GALNT13: variants seen among roughly 807,000 people sequenced by gnomAD.
GALNT13 encodes the protein polypeptide N-acetylgalactosaminyltransferase 13.
In GALNT13, 28 loss-of-function variants were observed where a neutral mutation model predicts 64.2. The observed-to-expected ratio is 0.44, with a 90% confidence interval of 0.32 to 0.60. GALNT13 has a LOEUF of 0.60. Among genes scored for constraint, GALNT13 ranks in the 20% least tolerant of loss-of-function variants. GALNT13 has a pLI of 0.05. For synonymous variants in GALNT13, 214 were observed against 224.6 expected (o/e 0.95, Z 0.42); for missense variants, 577 against 669.8 (o/e 0.86, Z 1.53).
chr2:153,831,511 G>A, the GALNT13 span, among the ~76,000 whole-genome samples: 1 of 152,100 alleles, frequency 6.6e-6, no homozygotes, highest in East Asian at 1.9e-4. Context: ...AGCAGCCACT[G>A]TATCCATTTT....
the GALNT13 span, among the ~76,000 whole-genome samples, chr2:153,442,483 C>A: frequency 6.6e-6 from 1 of 152,294 alleles, no homozygotes; most frequent in African/African-American, 2.4e-5. Flanking sequence ...AGAGGAGTCC[C>A]TCTTTTTCTA....
chr2:154,055,113 A>G (rs2105354805), intron 3 of GALNT13, among the ~76,000 whole-genome samples: 1 of 152,122 alleles, frequency 6.6e-6, no homozygotes, highest in African/African-American at 2.4e-5. Flanking sequence ...ATTTATTCAT[A>G]TTATTTCCCT....
chr2:154,242,816 A>T lies in GALNT13; in HGVS notation c.597A>T (p.Ser199=). ...CCCGTCTTCGAGGAGCAGCTGCTTC[A>T]AAAGGGCAGGTCATAACTTTTCTTG... ...IRARLRGAAA[S]KGQVITFLDA... The change falls in exon 6 of 13, where the codon TCA becomes TCT. Residue 199 remains serine, a synonymous_variant. Coordinates refer to ENST00000392825, the MANE Select transcript of GALNT13 (RefSeq NM_052917.4). The T allele has an allele frequency of 1.2e-6, 2 of 1,614,198 alleles. No individual in the cohort carries two copies. Among genetic ancestry groups the T allele is most frequent in the Non-Finnish European group, 1.7e-6 (2 of 1,180,016 alleles).
the GALNT13 span, among the ~76,000 whole-genome samples, chr2:153,208,682 A>C: frequency 1.3e-5 from 2 of 152,190 alleles, no homozygotes; most frequent in African/African-American, 4.8e-5. Flanking sequence ...GAAAATTAGT[A>C]GGTTGTATGA....
the GALNT13 span, among the ~76,000 whole-genome samples, chr2:153,389,883 G>A: frequency 2.0e-5 from 3 of 151,962 alleles, no homozygotes; most frequent in East Asian, 5.8e-4. Context: ...TATTTATAAG[G>A]TTATTGCACA....
At chr2:153,201,793 A>G in the GALNT13 span, 3 of 152,040 alleles carry the variant, frequency 2.0e-5, no homozygotes, top group African/African-American at 7.2e-5. Flanking sequence ...TGTCCTGGTA[A>G]GGCTCCTGTG....
intron 8 of GALNT13, among the ~76,000 whole-genome samples, chr2:154,295,328 G>T (rs886979759): frequency 1.8e-5 from 2 of 108,544 alleles, no homozygotes; most frequent in African/African-American, 6.0e-5. Context: ...ATCACTTCTC[G>T]TTATTGAAAA....
At chr2:153,582,272 G>A in the GALNT13 span, among the ~76,000 whole-genome samples, 4 of 152,228 alleles carry the variant, frequency 2.6e-5, no homozygotes, top group East Asian at 7.7e-4. Flanking sequence ...CTTGATTAAT[G>A]TTCCGTATTG....
chr2:153,292,544 AGT>A, the GALNT13 span, among the ~76,000 whole-genome samples: 1 of 152,136 alleles, frequency 6.6e-6, no homozygotes, highest in Non-Finnish European at 1.5e-5. Context: ...TGAGGCACAG[AGT>A]GTGAGAAAAG....
At chr2:153,806,672 T>A in the GALNT13 span, among the ~76,000 whole-genome samples, 2 of 128,160 alleles carry the variant, frequency 1.6e-5, no homozygotes, top group Non-Finnish European at 3.4e-5. Flanking sequence ...GATTTACCTG[T>A]CAATTTGTAA....
the GALNT13 span, among the ~76,000 whole-genome samples, chr2:153,695,053 A>T: frequency 2.6e-5 from 4 of 152,198 alleles, no homozygotes; most frequent in Non-Finnish European, 5.9e-5. Flanking sequence ...ACCAGGCACA[A>T]GTTTCCAAGT....
the GALNT13 span, among the ~76,000 whole-genome samples, chr2:153,328,228 G>A: frequency 6.6e-6 from 1 of 152,168 alleles, no homozygotes; most frequent in Non-Finnish European, 1.5e-5. Context: ...TCCTTTATGA[G>A]GTGTCTCTCA....
At chr2:153,752,520 G>T in the GALNT13 span, among the ~76,000 whole-genome samples, 10 of 152,084 alleles carry the variant, frequency 6.6e-5, no homozygotes, top group East Asian at 1.5e-3. Context: ...CAATTCTAGG[G>T]TAAAAGCTTC....
At chr2:154,101,512 T>C (rs1702348056) in intron 3 of GALNT13, among the ~76,000 whole-genome samples, 1 of 152,100 alleles carries the variant, frequency 6.6e-6, no homozygotes, top group African/African-American at 2.4e-5. Flanking sequence ...TTTTTGTCAT[T>C]TTTGATTGCG....
chr2:154,135,130 CT>C (rs1326931512), intron 3 of GALNT13, among the ~76,000 whole-genome samples: 2 of 152,126 alleles, frequency 1.3e-5, no homozygotes, highest in Non-Finnish European at 2.9e-5. Flanking sequence ...CAGTAGTTTA[CT>C]TGATATTTCA....
chr2:153,634,483 C>T, the GALNT13 span, among the ~76,000 whole-genome samples: 3 of 151,004 alleles, frequency 2.0e-5, no homozygotes, highest in Admixed American at 6.6e-5. Context: ...ATCCATTCAT[C>T]CTTGGGAGAA....
chr2:154,085,224 T>C (rs1373844056), intron 3 of GALNT13, among the ~76,000 whole-genome samples: 4 of 152,070 alleles, frequency 2.6e-5, no homozygotes, highest in Non-Finnish European at 5.9e-5. Context: ...AGAAGAAATA[T>C]ATTCTTTACT....
At chr2:153,797,455 C>T in the GALNT13 span, among the ~76,000 whole-genome samples, 1 of 152,142 alleles carries the variant, frequency 6.6e-6, no homozygotes, top group South Asian at 2.1e-4. Flanking sequence ...ATATGGGTCA[C>T]AGAAGCTCAA....
the GALNT13 span, among the ~76,000 whole-genome samples, chr2:153,644,762 A>C: frequency 2.0e-5 from 3 of 152,010 alleles, no homozygotes; most frequent in African/African-American, 7.2e-5. Flanking sequence ...ATGCATTCTC[A>C]AGATCAGGTA....
Sources: gnomAD v4.1 joint callset for allele counts (sites outside exome capture counted in the v4.1 genomes callset) on GRCh38, gnomAD v4.1.1 for gene constraint, MANE v1.5 for transcripts, NCBI Gene and HGNC (gene_info 2026-07-23, HGNC 2026-07-21) for gene names.